PSEN1: variants seen among roughly 807,000 people sequenced by gnomAD.
The protein encoded by PSEN1 is presenilin 1, also known as presenilin-1.
Under a neutral mutation model 53.5 loss-of-function variants are expected in PSEN1, and 15 were observed. The observed-to-expected ratio is 0.28, with a 90% CI of 0.19 to 0.43. PSEN1 has a LOEUF of 0.43. PSEN1 is among the 20% of genes least tolerant of loss of function. The pLI, the probability that PSEN1 is intolerant of heterozygous loss-of-function variation, is 1.00. For synonymous variants in PSEN1, 208 were observed against 209.8 expected (o/e 0.99, Z 0.08); for missense variants, 387 against 571.2 (o/e 0.68, Z 3.29).
chr14:73,162,687 A>T lies in PSEN1; in HGVS notation c.88-8110A>T, dbSNP rs373628918. The stretch of plus-strand genomic sequence containing the variant: ...AGAAGAATGAGGATATTCTTTATGT[A>T]CTGATGTGTAGAAAAATCTCTAAGA... On this transcript the variant is annotated intron_variant, in intron 3 of 11. Coordinates refer to ENST00000324501, the MANE Select transcript of PSEN1 (RefSeq NM_000021.4). Among the ~76,000 whole-genome samples the T allele has an allele frequency of 9.7e-4, 147 of 152,254 alleles. 1 individual carries two copies. The highest frequency in any genetic ancestry group is 3.4e-3 in the Middle Eastern group (1 of 294).
At chr14:73,201,186 T>G (rs1174656715) in intron 8 of PSEN1, among the ~76,000 whole-genome samples, 1 of 152,076 alleles carries the variant, frequency 6.6e-6, no homozygotes, top group Non-Finnish European at 1.5e-5. Context: ...CCTCCTGGGT[T>G]CAGCCATTCT....
intron 4 of PSEN1, among the ~76,000 whole-genome samples, chr14:73,172,345 C>T (rs1897916255): frequency 6.6e-6 from 1 of 152,144 alleles, no homozygotes; most frequent in Admixed American, 6.5e-5. Context: ...TTTGGGAGAG[C>T]ATCTAAGACA....
intron 8 of PSEN1, among the ~76,000 whole-genome samples, chr14:73,199,871 G>A (rs965629366): frequency 2.0e-5 from 3 of 151,948 alleles, no homozygotes; most frequent in African/African-American, 7.3e-5. Flanking sequence ...TCAGCCTCCG[G>A]AGTGGCTGGG....
At chr14:73,155,692 C>CT in intron 3 of PSEN1, among the ~76,000 whole-genome samples, 1 of 151,816 alleles carries the variant, frequency 6.6e-6, no homozygotes, top group Non-Finnish European at 1.5e-5. Flanking sequence ...GTTAGTTTCA[C>CT]TTTTTTTGTA....
chr14:73,176,287 CT>C (rs1796195747), intron 5 of PSEN1, among the ~76,000 whole-genome samples: 1 of 152,224 alleles, frequency 6.6e-6, no homozygotes, highest in South Asian at 2.1e-4. Context: ...TTCTTAATTC[CT>C]TTTCTTTATC....
chr14:73,213,901 A>G (rs756696586), intron 10 of PSEN1, among the ~76,000 whole-genome samples: 77 of 152,224 alleles, frequency 5.1e-4, no homozygotes, highest in Non-Finnish European at 1.0e-3. Context: ...GTGGGAATGT[A>G]AAATAGTATA....
intron 3 of PSEN1, among the ~76,000 whole-genome samples, chr14:73,156,758 G>T (rs1311777454): frequency 6.6e-6 from 1 of 151,856 alleles, no homozygotes; most frequent in Non-Finnish European, 1.5e-5. Flanking sequence ...CGCCTCCCAG[G>T]TTCACGCCAT....
intron 1 of PSEN1, among the ~76,000 whole-genome samples, chr14:73,144,202 G>A (rs545271126): frequency 6.6e-6 from 1 of 151,916 alleles, no homozygotes; most frequent in East Asian, 2.0e-4. Context: ...CACCATGCCT[G>A]GCTAATTTTT....
chr14:73,184,781 C>T (rs868341716), intron 5 of PSEN1, among the ~76,000 whole-genome samples: 396 of 145,524 alleles, frequency 2.7e-3, no homozygotes, highest in African/African-American at 7.9e-3. Flanking sequence ...GGGTGGCTGC[C>T]GGGCGGAGAC....
intron 10 of PSEN1, 72 bp from the exon 11 acceptor site, chr14:73,217,054 T>C: frequency 1.3e-6 from 2 of 1,493,348 alleles, no homozygotes; most frequent in Non-Finnish European, 9.3e-7. Flanking sequence ...AGTAGGGCAG[T>C]GATATTTTTG....
chr14:73,155,996 A>C (rs1897343225), intron 3 of PSEN1, among the ~76,000 whole-genome samples: 1 of 151,802 alleles, frequency 6.6e-6, no homozygotes, highest in Non-Finnish European at 1.5e-5. Context: ...TTATGTGGGA[A>C]CTCTGTGTAC....
chr14:73,137,490 A>G (rs1400480595), intron 1 of PSEN1, among the ~76,000 whole-genome samples: 2 of 152,190 alleles, frequency 1.3e-5, no homozygotes, highest in East Asian at 3.9e-4. Flanking sequence ...CTGGAGCTGA[A>G]AACAGGAATC....
chr14:73,158,413 C>T (rs999205017), intron 3 of PSEN1, among the ~76,000 whole-genome samples: 9 of 151,954 alleles, frequency 5.9e-5, no homozygotes, highest in African/African-American at 2.2e-4. Context: ...GCAACCTCTG[C>T]CTCCTGGGTT....
chr14:73,165,393 C>T (rs1897680105), intron 3 of PSEN1, among the ~76,000 whole-genome samples: 1 of 152,228 alleles, frequency 6.6e-6, no homozygotes, highest in Admixed American at 6.5e-5. Flanking sequence ...GCGTTAGCCT[C>T]CTGAGTACCT....
At chr14:73,202,426 A>T (rs1484061981) in intron 8 of PSEN1, among the ~76,000 whole-genome samples, 1 of 9,198 alleles carries the variant, frequency 1.1e-4, no homozygotes, top group African/African-American at 5.5e-4. Context: ...TACTATATAT[A>T]TATATATATA....
At chr14:73,202,452 A>T (rs1384680657) in intron 8 of PSEN1, among the ~76,000 whole-genome samples, 4 of 16,240 alleles carry the variant, frequency 2.5e-4, no homozygotes, top group Admixed American at 8.4e-4. Flanking sequence ...ATATATATAT[A>T]TATATATATA....
chr14:73,202,083 T>TG (rs1419233931), intron 8 of PSEN1, among the ~76,000 whole-genome samples: 1 of 151,900 alleles, frequency 6.6e-6, no homozygotes, highest in African/African-American at 2.4e-5. Context: ...CTTGCTCTGT[T>TG]GCCCAGGCTG....
intron 8 of PSEN1, among the ~76,000 whole-genome samples, chr14:73,201,327 C>G (rs922444428): frequency 1.3e-5 from 2 of 152,162 alleles, no homozygotes; most frequent in African/African-American, 2.4e-5. Flanking sequence ...ACCTTGTGAT[C>G]CGCCCGCCTC....
intron 4 of PSEN1, 30 bp downstream of exon 4, chr14:73,171,077 A>G (rs749093893): frequency 6.2e-7 from 1 of 1,613,250 alleles, no homozygotes; most frequent in African/African-American, 1.3e-5. Context: ...TATTATTCTC[A>G]AAGCCAGTGT....
Sources: allele counts gnomAD v4.1 joint callset (sites outside exome capture counted in the v4.1 genomes callset), GRCh38; gene constraint gnomAD v4.1.1; transcripts MANE v1.5; gene names NCBI Gene and HGNC (gene_info 2026-07-23, HGNC 2026-07-21).